The following LINGO2 variants were observed in gnomAD, a reference collection of about 807,000 sequenced individuals.
LINGO2 encodes leucine rich repeat and Ig domain containing 2.
Under a neutral mutation model 30.6 loss-of-function variants are expected in LINGO2, and 14 were observed. That is an observed-to-expected ratio of 0.46 (90% CI 0.30 to 0.72). The LOEUF (loss-of-function observed/expected upper bound fraction) is 0.72. Among genes scored for constraint, LINGO2 ranks in the 30% least tolerant of loss-of-function variants. LINGO2 has a pLI of 0.07. For missense variants in LINGO2, 729 were observed against 751.7 expected, an observed-to-expected ratio of 0.97 and a Z score of 0.35; for synonymous variants, 317 against 288.5, an observed-to-expected ratio of 1.10 and a Z score of -1.00.
At chr9:28,663,188 G>A (rs1713430218) in intron 1 of LINGO2, among the ~76,000 whole-genome samples, 1 of 151,966 alleles carries the variant, frequency 6.6e-6, no homozygotes. Context: ...GTTGTTGGTG[G>A]GGAACGGAGT....
intron 2 of LINGO2, among the ~76,000 whole-genome samples, chr9:28,438,079 G>A: frequency 6.6e-6 from 1 of 152,132 alleles, no homozygotes; most frequent in East Asian, 1.9e-4. Flanking sequence ...CACACCAAAG[G>A]CCTAGGGCTT....
chr9:28,872,148 T>C, the LINGO2 span, among the ~76,000 whole-genome samples: 1 of 152,050 alleles, frequency 6.6e-6, no homozygotes, highest in Admixed American at 6.6e-5. Flanking sequence ...GTCATTTAGC[T>C]CAGGTTTCAC....
chr9:28,426,161 A>C (rs1241951121), intron 2 of LINGO2, among the ~76,000 whole-genome samples: 3 of 152,050 alleles, frequency 2.0e-5, no homozygotes, highest in African/African-American at 7.2e-5. Context: ...ATGCACACAC[A>C]CTTGCTACAA....
chr9:28,382,289 A>T (rs1384132917), intron 2 of LINGO2, among the ~76,000 whole-genome samples: 3 of 152,172 alleles, frequency 2.0e-5, no homozygotes, highest in African/African-American at 7.2e-5. Context: ...AAGCATTGTT[A>T]CAAAATCCCA....
chr9:28,497,729 G>C (rs1388433073), intron 1 of LINGO2, among the ~76,000 whole-genome samples: 2 of 152,102 alleles, frequency 1.3e-5, no homozygotes, highest in Non-Finnish European at 2.9e-5. Context: ...GAGGGGTAGA[G>C]GCACTCTGAT....
At chr9:28,152,136 TC>T (rs1828017317) in intron 4 of LINGO2, among the ~76,000 whole-genome samples, 1 of 152,164 alleles carries the variant, frequency 6.6e-6, no homozygotes, top group Non-Finnish European at 1.5e-5. Context: ...TGAAATTTGA[TC>T]CCCAGTGTTG....
At chr9:28,222,643 A>G (rs916998048) in intron 4 of LINGO2, among the ~76,000 whole-genome samples, 1 of 152,228 alleles carries the variant, frequency 6.6e-6, no homozygotes, top group African/African-American at 2.4e-5. Context: ...AGGATAATTG[A>G]GCCTATTTGA....
chr9:29,127,444 T>C, the LINGO2 span, among the ~76,000 whole-genome samples: 2 of 152,032 alleles, frequency 1.3e-5, no homozygotes, highest in African/African-American at 4.8e-5. Context: ...AGGGGAACTC[T>C]TTTCTCTCTC....
At chr9:28,970,172 G>C in the LINGO2 span, among the ~76,000 whole-genome samples, 1 of 152,158 alleles carries the variant, frequency 6.6e-6, no homozygotes, top group Non-Finnish European at 1.5e-5. Context: ...AGGAAGGCCA[G>C]AGAAAAGAAG....
the LINGO2 span, among the ~76,000 whole-genome samples, chr9:28,802,928 G>A: frequency 6.6e-6 from 1 of 151,860 alleles, no homozygotes; most frequent in Non-Finnish European, 1.5e-5. Context: ...CTCATGTCCC[G>A]GGAGTCAATG....
chr9:28,484,422 C>A (rs1405612112), intron 1 of LINGO2, among the ~76,000 whole-genome samples: 1 of 152,056 alleles, frequency 6.6e-6, no homozygotes, highest in Non-Finnish European at 1.5e-5. Flanking sequence ...CACAGAATCC[C>A]AGTTTCATGA....
At chr9:28,125,691 G>A (rs917896657) in intron 4 of LINGO2, among the ~76,000 whole-genome samples, 2 of 152,052 alleles carry the variant, frequency 1.3e-5, no homozygotes, top group Non-Finnish European at 2.9e-5. Flanking sequence ...GAAATAAGAA[G>A]GACAGTGAAA....
intron 4 of LINGO2, among the ~76,000 whole-genome samples, chr9:28,201,249 C>T (rs1194536111): frequency 7.0e-6 from 1 of 142,234 alleles, no homozygotes; most frequent in Non-Finnish European, 1.5e-5. Flanking sequence ...CCACCACAGT[C>T]CCCAGAGTTT....
chr9:28,639,698 T>G (rs537523490), intron 1 of LINGO2, among the ~76,000 whole-genome samples: 1 of 152,316 alleles, frequency 6.6e-6, no homozygotes, highest in Admixed American at 6.5e-5. Context: ...TCCCTTTATT[T>G]TGAGCCTATG....
chr9:28,533,834 G>A (rs1821327637), intron 1 of LINGO2, among the ~76,000 whole-genome samples: 1 of 152,124 alleles, frequency 6.6e-6, no homozygotes, highest in Non-Finnish European at 1.5e-5. Flanking sequence ...ATGGATGAAA[G>A]TACTTAGCTT....
chr9:28,803,441 A>T, the LINGO2 span, among the ~76,000 whole-genome samples: 1 of 151,892 alleles, frequency 6.6e-6, no homozygotes, highest in African/African-American at 2.4e-5. Flanking sequence ...TCATATTAAA[A>T]GCCATAATTG....
At chr9:29,157,762 T>A in the LINGO2 span, among the ~76,000 whole-genome samples, 1 of 152,082 alleles carries the variant, frequency 6.6e-6, no homozygotes, top group Non-Finnish European at 1.5e-5. Context: ...ATACAATAAT[T>A]CCCTCCATTT....
At chr9:28,821,116 G>A in the LINGO2 span, among the ~76,000 whole-genome samples, 1 of 152,144 alleles carries the variant, frequency 6.6e-6, no homozygotes, top group East Asian at 1.9e-4. Context: ...CCATTGTTGG[G>A]AAAAATAAAT....
At chr9:28,800,010 T>G in the LINGO2 span, among the ~76,000 whole-genome samples, 2 of 152,130 alleles carry the variant, frequency 1.3e-5, no homozygotes, top group Admixed American at 6.6e-5. Context: ...CTTTCTTACT[T>G]TAGAACTTAG....
Sources: gnomAD v4.1 joint callset for allele counts (sites outside exome capture counted in the v4.1 genomes callset) on GRCh38, gnomAD v4.1.1 for gene constraint, MANE v1.5 for transcripts, NCBI Gene and HGNC (gene_info 2026-07-23, HGNC 2026-07-21) for gene names.